Variants in ADD1 observed in about 807,000 individuals in gnomAD.
ADD1 encodes the protein alpha-adducin.
In ADD1, 24 loss-of-function variants were observed where a neutral mutation model predicts 80.5. That is an observed-to-expected ratio of 0.30 (90% confidence interval 0.22 to 0.42). ADD1 has a LOEUF of 0.42. Among genes scored for constraint, ADD1 ranks in the 10% least tolerant of loss-of-function variants. The pLI is 1.00. For missense variants in ADD1, 948 were observed against 1,019.0 expected (o/e 0.93, Z 0.95); for synonymous variants, 373 against 393.8 (o/e 0.95, Z 0.63).
At position 2,899,381 on chromosome 4, in the gene ADD1, G is replaced by C. The variant is rs1735795143; in HGVS notation, c.1107G>C (p.Lys369Asn). ...GGGAAGGCACTGGATCGCCTCCCAAGTGGCAGATTGGTGAGCAGGAATTTG... is the reference window on the plus strand; with the variant it reads ...GGGAAGGCACTGGATCGCCTCCCAACTGGCAGATTGGTGAGCAGGAATTTG... ...PVGEGTGSPP[K>N]WQIGEQEFEA... The change falls in exon 9 of 16, where the codon AAG (lysine) becomes AAC (asparagine). Residue 369 changes from lysine to asparagine, a missense_variant. Transcript: ENST00000683351. 3 of 1,614,206 alleles carry C rather than the reference G, an allele frequency of 1.9e-6. No homozygotes were observed. The highest frequency in any genetic ancestry group is 2.5e-6 in the Non-Finnish European group (3 of 1,180,030).
At position 2,882,015 on chromosome 4, in the gene ADD1, G is replaced by T; in HGVS notation, c.313G>T (p.Val105Phe). 2 of 1,613,306 alleles carry T rather than the reference G, an allele frequency of 1.2e-6. No individual in the cohort carries two copies. Among genetic ancestry groups the T allele is most frequent in the Non-Finnish European group, 1.7e-6 (2 of 1,179,802 alleles). The change falls in exon 3 of 16, where the codon GTC becomes TTC. Residue 105 changes from valine (V) to phenylalanine (F), a missense_variant. Physicochemically the swap from Val to Phe is conservative, Grantham distance 50. Transcript: ENST00000683351. ...ADFMTTNVPNVYPAAPQGGMA... is the reference protein window; with the variant it reads ...ADFMTTNVPNFYPAAPQGGMA... Reference sequence around the variant, plus strand: ...TTTTATGACCACGAATGTACCAAATGTCTACCCAGCAGCTCCGCAAGGAGG... The same window carrying T: ...TTTTATGACCACGAATGTACCAAATTTCTACCCAGCAGCTCCGCAAGGAGG...
intron 1 of ADD1, among the ~76,000 whole-genome samples, chr4:2,846,563 C>T (rs1434124981): frequency 6.6e-6 from 1 of 151,948 alleles, no homozygotes; most frequent in Non-Finnish European, 1.5e-5. Context: ...TTCATGCCTC[C>T]ACTATTTGGT....
chr4:2,908,377 C>T, intron 11 of ADD1, 138 bp from the exon 12 acceptor site: 1 of 716,678 alleles, frequency 1.4e-6, no homozygotes, highest in Non-Finnish European at 2.4e-6. Context: ...CACATGGGGC[C>T]ATCCTGCCTG....
intron 4 of ADD1, among the ~76,000 whole-genome samples, chr4:2,885,084 A>C (rs1485292675): frequency 2.0e-5 from 3 of 152,190 alleles, no homozygotes; most frequent in Admixed American, 2.0e-4. Flanking sequence ...CATTCTGGGT[A>C]TCTGCTTTCT....
At chr4:2,900,731 G>T (rs1337243330) in intron 9 of ADD1, 1 of 152,268 alleles carries the variant, frequency 6.6e-6, no homozygotes, top group African/African-American at 2.4e-5. Flanking sequence ...AGGAGGAACT[G>T]AGGGTTTTCT....
Position 2,884,577 on chromosome 4 carries a change from G to C in ADD1, c.421G>C (p.Gly141Arg), listed in dbSNP as rs1179812401. ...ATCTGATTCTATTGCGTATGACAAAGGAGAGAAGTTATTACGGTGTAAATT... is the reference window on the plus strand; with the variant it reads ...ATCTGATTCTATTGCGTATGACAAACGAGAGAAGTTATTACGGTGTAAATT... ...RGSDSIAYDK[G>R]EKLLRCKLAA... Residue 141 changes from glycine (G) to arginine (R), a missense_variant, in exon 4 of 16, where the codon GGA becomes CGA. Gly to Arg is a moderately radical substitution (Grantham distance 125, BLOSUM62 -2). Transcript: ENST00000683351. 2 of 1,613,574 alleles carry C rather than the reference G, an allele frequency of 1.2e-6. No homozygotes were observed. The highest frequency in any genetic ancestry group is 1.7e-6 in the Non-Finnish European group (2 of 1,179,652).
Position 2,913,728 on chromosome 4 carries a change from G to A in ADD1, c.1792-1156G>A, listed in dbSNP as rs554943423. ...TCGGCCTGTGTGAGTTGAATTTCCC[G>A]AGTCAGCCCAGCTAGGACGCTCTCC... On this transcript the variant is annotated intron_variant, in intron 13 of 15. Transcript: ENST00000683351. Among the ~76,000 whole-genome samples the A allele has an allele frequency of 3.3e-5, 5 of 151,990 alleles. No homozygotes were observed. In the East Asian group the frequency reaches 5.8e-4, roughly 18 times the overall value.
intron 6 of ADD1, among the ~76,000 whole-genome samples, chr4:2,896,447 G>C (rs965392163): frequency 1.3e-5 from 2 of 151,958 alleles, no homozygotes; most frequent in Non-Finnish European, 2.9e-5. Flanking sequence ...GACCTCAAGT[G>C]ATCTGCCCAC....
intron 1 of ADD1, among the ~76,000 whole-genome samples, chr4:2,850,718 C>T (rs1318441468): frequency 6.6e-6 from 1 of 151,948 alleles, no homozygotes; most frequent in Non-Finnish European, 1.5e-5. Context: ...AGCCACCGCG[C>T]CTGGCCACGC....
chr4:2,921,732 T>C (rs955474128), intron 14 of ADD1, among the ~76,000 whole-genome samples: 2 of 152,218 alleles, frequency 1.3e-5, no homozygotes, highest in Admixed American at 6.5e-5. Flanking sequence ...AAGAGTGTTT[T>C]CCACCTTGGT....
chr4:2,890,410 TTTG>T (rs990774802), intron 4 of ADD1, among the ~76,000 whole-genome samples: 5 of 152,044 alleles, frequency 3.3e-5, no homozygotes, highest in Admixed American at 6.6e-5. Flanking sequence ...TCAGATTTCT[TTTG>T]TTGTTGTTGT....
At chr4:2,909,290 T>G (rs1052718934) in intron 12 of ADD1, 49 bp from the exon 13 acceptor site, 1 of 1,461,356 alleles carries the variant, frequency 6.8e-7, no homozygotes, top group Non-Finnish European at 9.4e-7. Flanking sequence ...CAGCTGATAT[T>G]TCACAGGCTG....
intron 14 of ADD1, among the ~76,000 whole-genome samples, chr4:2,915,602 C>T (rs919005680): frequency 3.3e-5 from 5 of 152,104 alleles, no homozygotes; most frequent in Admixed American, 2.0e-4. Flanking sequence ...GATTGCACCA[C>T]GGCACTCCAG....
rs377019341 is a variant in ADD1 at position 2,904,757 on chromosome 4, A to T, written c.1162-7A>T. 5.0e-6 allele frequency: 8 copies of T among 1,608,860 alleles called. No homozygotes were observed. Among genetic ancestry groups the T allele is most frequent in the Non-Finnish European group, 6.8e-6 (8 of 1,175,522 alleles). On this transcript the variant is annotated splice_polypyrimidine_tract_variant and splice_region_variant and intron_variant, in intron 9 of 15. Coordinates refer to ENST00000683351, the MANE Select transcript of ADD1 (RefSeq NM_001354761.2). Reference sequence around the variant, plus strand: ...ATTGACTGTCTTTCACTCTCCTTGGACCCTAGGGCTACAGAACTGGCTACC... The same window carrying T: ...ATTGACTGTCTTTCACTCTCCTTGGTCCCTAGGGCTACAGAACTGGCTACC...
At position 2,928,254 on chromosome 4, in the gene ADD1, C is replaced by G. The variant is rs773311334; in HGVS notation, c.2131C>G (p.Pro711Ala). The change falls in exon 16 of 16, where the codon CCT becomes GCT. Residue 711 changes from proline to alanine, a missense_variant. Transcript: ENST00000683351. ...PTLPDLSPDE[P>A]SEALGFPMLE... ...TCTCCCCGATCTGTCCCCTGATGAA[C>G]CTTCAGAAGCACTCGGCTTCCCAAT... 4 of 1,614,054 alleles carry G rather than the reference C, an allele frequency of 2.5e-6. No individual in the cohort carries two copies. The South Asian group carries it at 3.3e-5, about 13-fold the overall frequency.
At chr4:2,880,722 G>A (rs563543804) in intron 2 of ADD1, among the ~76,000 whole-genome samples, 3 of 151,824 alleles carry the variant, frequency 2.0e-5, no homozygotes, top group East Asian at 1.9e-4. Flanking sequence ...TGATCCGCCC[G>A]CCTCGGCCTC....
At chr4:2,854,469 A>G (rs975835630) in intron 1 of ADD1, among the ~76,000 whole-genome samples, 1 of 152,202 alleles carries the variant, frequency 6.6e-6, no homozygotes, top group Non-Finnish European at 1.5e-5. Flanking sequence ...GACTTGAGCA[A>G]TGTGGTAGAT....
chr4:2,885,849 A>T (rs1244293527), intron 4 of ADD1, among the ~76,000 whole-genome samples: 1 of 151,972 alleles, frequency 6.6e-6, no homozygotes, highest in Non-Finnish European at 1.5e-5. Flanking sequence ...TGACCTTGTG[A>T]TCCGCCCGCC....
intron 4 of ADD1, among the ~76,000 whole-genome samples, chr4:2,892,568 A>G (rs1218923562): frequency 6.6e-6 from 1 of 152,118 alleles, no homozygotes; most frequent in Non-Finnish European, 1.5e-5. Flanking sequence ...AGTGGCTCAC[A>G]CCTGTAAGCC....
Sources: allele counts gnomAD v4.1 joint callset (sites outside exome capture counted in the v4.1 genomes callset), GRCh38; gene constraint gnomAD v4.1.1; transcripts MANE v1.5; gene names NCBI Gene and HGNC (gene_info 2026-07-23, HGNC 2026-07-21).